USO1: variants seen among roughly 807,000 people sequenced by gnomAD.
USO1 encodes the protein USO1 vesicle transport factor.
Under a neutral mutation model 124.5 loss-of-function variants are expected in USO1, and 57 were observed. The observed-to-expected ratio is 0.46, with a 90% confidence interval of 0.37 to 0.57. USO1 has a LOEUF of 0.57. Ranked by LOEUF, USO1 falls within the 20% of genes least tolerant of loss-of-function variation. The probability of loss-of-function intolerance (pLI) is 0.00; values close to 1 mark genes in which losing one functional copy is unlikely to be tolerated. For missense variants in USO1, 900 were observed against 1,040.6 expected (o/e 0.86, Z 1.86); for synonymous variants, 369 against 362.8 (o/e 1.02, Z -0.19).
intron 1 of USO1, among the ~76,000 whole-genome samples, chr4:75,751,990 C>T (rs912244964): frequency 6.6e-6 from 1 of 152,036 alleles, no homozygotes; most frequent in Non-Finnish European, 1.5e-5. Context: ...ATGATGTAAA[C>T]AATTACTATT....
chr4:75,802,065 C>T (rs1722867387), intron 17 of USO1, among the ~76,000 whole-genome samples: 1 of 152,166 alleles, frequency 6.6e-6, no homozygotes, highest in African/African-American at 2.4e-5. Context: ...CCCTTCCCTT[C>T]CCTGCCTCAG....
At chr4:75,742,536 T>C (rs1319318726) in intron 1 of USO1, among the ~76,000 whole-genome samples, 1 of 152,266 alleles carries the variant, frequency 6.6e-6, no homozygotes, top group Non-Finnish European at 1.5e-5. Flanking sequence ...CTATCTTCAC[T>C]GTATTTACAT....
At chr4:75,784,280 A>G (rs1560452968) in intron 9 of USO1, among the ~76,000 whole-genome samples, 2 of 152,190 alleles carry the variant, frequency 1.3e-5, no homozygotes, top group Non-Finnish European at 2.9e-5. Context: ...TCAGCTTCCC[A>G]AAGTGCTGCT....
Position 75,734,146 on chromosome 4 carries a change from A to G in USO1, c.66+9261A>G, listed in dbSNP as rs572124084. On this transcript the variant is annotated intron_variant, in intron 1 of 23. Transcript: ENST00000514213. ...TTTTTAGTAGAGACAGGGTTTCACC[A>G]TGTTGGCCAGGATGGTCTCGATCTC... 5.9e-5 allele frequency among the ~76,000 whole-genome samples: 9 copies of G among 152,082 alleles called. No individual in the cohort carries two copies. The South Asian group carries it at 8.3e-4, about 14-fold the overall frequency.
At chr4:75,767,568 C>A in intron 4 of USO1, 6 of 337,118 alleles carry the variant, frequency 1.8e-5, no homozygotes, top group South Asian at 1.3e-4. Flanking sequence ...CACAGTGAAA[C>A]CCCATCTATA....
rs1414293852 is a variant in USO1 at position 75,770,512 on chromosome 4, T to C, written c.369T>C (p.Asn123=). The change falls in exon 5 of 24, where the codon AAT becomes AAC. Residue 123 remains asparagine, a synonymous_variant. Coordinates refer to ENST00000514213, the MANE Select transcript of USO1 (RefSeq NM_003715.4). ...FTEIFIKQQE[N]VTLLLSLLEE... is the part of the protein sequence containing the mutation. ...AAATTTTCATTAAGCAGCAGGAAAA[T>C]GTCACTCTTCTGTTATCTTTATTGG... 1.1e-5 allele frequency: 17 copies of C among 1,593,318 alleles called. No individual in the cohort carries two copies. The highest frequency in any genetic ancestry group is 1.4e-5 in the Non-Finnish European group (16 of 1,168,928).
chr4:75,725,416 G>A (rs1340859347), intron 1 of USO1, among the ~76,000 whole-genome samples: 1 of 152,200 alleles, frequency 6.6e-6, no homozygotes, highest in Non-Finnish European at 1.5e-5. Flanking sequence ...AAATCCACCT[G>A]CTCCTGTCCC....
At chr4:75,730,559 C>G (rs180782672) in intron 1 of USO1, among the ~76,000 whole-genome samples, 1 of 151,712 alleles carries the variant, frequency 6.6e-6, no homozygotes, top group East Asian at 1.9e-4. Context: ...TCTTTATTTT[C>G]CTTTATTTCA....
intron 9 of USO1, among the ~76,000 whole-genome samples, chr4:75,786,084 C>CT (rs1233328036): frequency 2.0e-5 from 3 of 152,140 alleles, no homozygotes; most frequent in African/African-American, 7.2e-5. Flanking sequence ...AAGTTTTTCT[C>CT]TAATTCTAGT....
chr4:75,811,515 T>A (rs1185643187), intron 22 of USO1, among the ~76,000 whole-genome samples: 3 of 152,184 alleles, frequency 2.0e-5, no homozygotes, highest in African/African-American at 7.2e-5. Context: ...GAGTACAAAT[T>A]TAGCTAATAC....
rs1411422837 is a variant in USO1 at position 75,794,008 on chromosome 4, T to C, written c.1452+107T>C. The C allele has an allele frequency of 2.6e-5, 38 of 1,456,488 alleles. No homozygotes were observed. The East Asian group carries it at 5.0e-4, about 19-fold the overall frequency. The allele number at this position is 1,456,488 out of a possible 1,614,324, so 90.2% of individuals were successfully genotyped here. On this transcript the variant is annotated intron_variant, in intron 13 of 23. Coordinates refer to ENST00000514213, the MANE Select transcript of USO1 (RefSeq NM_003715.4). ...GATGAAAAAGGACAGAGAAGACTTA[T>C]TCTGTTTATTAGTTCATCATAATCA...
chr4:75,750,458 A>G (rs1721270590), intron 1 of USO1, among the ~76,000 whole-genome samples: 2 of 151,766 alleles, frequency 1.3e-5, no homozygotes, highest in African/African-American at 2.4e-5. Flanking sequence ...GATGAAATCT[A>G]ATTTATTACA....
chr4:75,727,705 A>T (rs936656011), intron 1 of USO1, among the ~76,000 whole-genome samples: 1 of 152,078 alleles, frequency 6.6e-6, no homozygotes, highest in Non-Finnish European at 1.5e-5. Flanking sequence ...ATTATTTTGT[A>T]GTTTTTTCCA....
At position 75,779,883 on chromosome 4, in the gene USO1, G is replaced by T. The variant is rs909321512; in HGVS notation, c.677-2797G>T. On this transcript the variant is annotated intron_variant, in intron 8 of 23. Transcript: ENST00000514213. ...GAAGAAGATGCCATCTAGAACTTTTGTATCTAGAAAGAAGTCACCCCCTGG... is the reference window on the plus strand; with the variant it reads ...GAAGAAGATGCCATCTAGAACTTTTTTATCTAGAAAGAAGTCACCCCCTGG... Among the ~76,000 whole-genome samples, 7 of 152,296 alleles carry T rather than the reference G, an allele frequency of 4.6e-5. No homozygotes were observed. The South Asian group carries it at 6.2e-4, about 14-fold the overall frequency.
intron 17 of USO1, among the ~76,000 whole-genome samples, chr4:75,801,426 C>A (rs324725): frequency 0.11 from 16,325 of 152,182 alleles, 944 homozygotes; most frequent in Middle Eastern, 0.17. Flanking sequence ...ACTACAATTG[C>A]GGAATCATCA....
chr4:75,778,389 G>T (rs1722130471), intron 8 of USO1, among the ~76,000 whole-genome samples: 1 of 152,150 alleles, frequency 6.6e-6, no homozygotes, highest in Non-Finnish European at 1.5e-5. Context: ...TTATCATAAA[G>T]GTCTTCATCC....
intron 12 of USO1, 87 bp downstream of exon 12, chr4:75,790,884 C>T: frequency 7.2e-7 from 1 of 1,381,670 alleles, no homozygotes; most frequent in Non-Finnish European, 9.4e-7. Context: ...TATGCTTTAG[C>T]CTAAAATACT....
intron 1 of USO1, among the ~76,000 whole-genome samples, chr4:75,729,749 AG>A (rs1419756228): frequency 2.6e-5 from 4 of 152,178 alleles, no homozygotes; most frequent in Non-Finnish European, 4.4e-5. Flanking sequence ...TTGGACCCCG[AG>A]ACATGAAAGT....
chr4:75,808,944 G>T lies in USO1; in HGVS notation c.2377-9G>T, dbSNP rs1319949516. On this transcript the variant is annotated splice_polypyrimidine_tract_variant and intron_variant, in intron 20 of 23. Transcript: ENST00000514213. The stretch of plus-strand genomic sequence containing the variant: ...TTAATGTTATGACTCAACTATTTTT[G>T]TCTCTTAGGAACTGGCAACTTTAAA... 2 of 1,582,656 alleles carry T rather than the reference G, an allele frequency of 1.3e-6. No individual in the cohort carries two copies. The highest frequency in any genetic ancestry group is 1.8e-5 in the Admixed American group (1 of 54,264).
Sources: allele counts gnomAD v4.1 joint callset (sites outside exome capture counted in the v4.1 genomes callset), GRCh38; gene constraint gnomAD v4.1.1; transcripts MANE v1.5; gene names NCBI Gene and HGNC (gene_info 2026-07-23, HGNC 2026-07-21).